The following BDH1 variants were observed in gnomAD, a reference collection of about 807,000 sequenced individuals.
BDH1 encodes 3-hydroxybutyrate dehydrogenase 1, also known as D-beta-hydroxybutyrate dehydrogenase, mitochondrial.
In BDH1, 30 loss-of-function variants were observed where a neutral mutation model predicts 33.1. The observed-to-expected ratio is 0.91, with a 90% CI of 0.68 to 1.23. The LOEUF (loss-of-function observed/expected upper bound fraction) is 1.23. Ranked by LOEUF, BDH1 falls within the 50% of genes most tolerant of loss-of-function variation. The probability of loss-of-function intolerance (pLI) is 0.00; values close to 1 mark genes in which losing one functional copy is unlikely to be tolerated. For missense variants in BDH1, 443 were observed against 464.4 expected (o/e 0.95, Z 0.42); for synonymous variants, 190 against 183.6 (o/e 1.03, Z -0.28).
chr3:197,524,099 T>C (rs1379408974), intron 5 of BDH1, among the ~76,000 whole-genome samples: 1 of 152,254 alleles, frequency 6.6e-6, no homozygotes. Flanking sequence ...TCCTATTCTA[T>C]GAAACATGGT....
intron 2 of BDH1, among the ~76,000 whole-genome samples, chr3:197,552,712 TC>T (rs969395066): frequency 2.6e-5 from 4 of 152,212 alleles, no homozygotes; most frequent in Non-Finnish European, 5.9e-5. Flanking sequence ...ACCCTGACTA[TC>T]CCCCTTCTCT....
chr3:197,564,739 G>C (rs1044357977), intron 1 of BDH1, among the ~76,000 whole-genome samples: 1 of 152,090 alleles, frequency 6.6e-6, no homozygotes, highest in African/African-American at 2.4e-5. Context: ...TGCAAGACCA[G>C]CATATGAGCC....
chr3:197,534,617 T>C (rs1714986770), intron 3 of BDH1, among the ~76,000 whole-genome samples: 1 of 152,216 alleles, frequency 6.6e-6, no homozygotes, highest in African/African-American at 2.4e-5. Flanking sequence ...CTGGGTCATA[T>C]GGTAGTTGCA....
intron 1 of BDH1, among the ~76,000 whole-genome samples, chr3:197,569,245 AG>A (rs1717528841): frequency 8.8e-6 from 1 of 113,344 alleles, no homozygotes; most frequent in African/African-American, 3.8e-5. Context: ...TTTGGAGTAC[AG>A]TTTTTTTTTT....
chr3:197,549,810 T>G (rs1716398525), intron 2 of BDH1, among the ~76,000 whole-genome samples: 1 of 152,196 alleles, frequency 6.6e-6, no homozygotes, highest in South Asian at 2.1e-4. Context: ...TAAAAAGCAG[T>G]GTAACTAGGC....
intron 5 of BDH1, among the ~76,000 whole-genome samples, chr3:197,531,320 C>T (rs990805124): frequency 6.6e-6 from 1 of 151,360 alleles, no homozygotes; most frequent in Admixed American, 6.6e-5. Flanking sequence ...CACTTGAACC[C>T]GGGAGGCAGA....
chr3:197,512,070 G>A lies in BDH1; in HGVS notation c.857C>T (p.Thr286Ile). The change falls in exon 8 of 8, where the codon ACC becomes ATC. Residue 286 changes from threonine (T) to isoleucine (I), a missense_variant. Thr to Ile is a moderately conservative substitution (Grantham distance 89). Coordinates refer to ENST00000392379, the MANE Select transcript of BDH1 (RefSeq NM_203314.3). ...GTCTGTGGAGCCACTGCTGCAGTAG[G>A]TCTCCATCTTGGCGATCTTTTCATC... ...YFDEKIAKME[T>I]YCSSGSTDTS... 6.2e-7 allele frequency: 1 copy of A among 1,614,190 alleles called. No individual in the cohort carries two copies. The highest frequency in any genetic ancestry group is 8.5e-7 in the Non-Finnish European group (1 of 1,180,030).
intron 3 of BDH1, among the ~76,000 whole-genome samples, chr3:197,536,218 T>A (rs1715141120): frequency 6.6e-6 from 1 of 152,190 alleles, no homozygotes; most frequent in Admixed American, 6.5e-5. Context: ...TTGTCAAAAA[T>A]TGGTTGGGCA....
chr3:197,515,986 G>A (rs1712682122), intron 6 of BDH1: 1 of 153,106 alleles, frequency 6.5e-6, no homozygotes, highest in African/African-American at 2.4e-5. Flanking sequence ...CAGCTGTCCT[G>A]ACCACGCAGT....
chr3:197,520,932 G>A lies in BDH1; in HGVS notation c.409+1708C>T, dbSNP rs944633591. On this transcript the variant is annotated intron_variant, in intron 6 of 7. Coordinates refer to ENST00000392379, the MANE Select transcript of BDH1 (RefSeq NM_203314.3). This position sits in a 1 kb window ranked among gnomAD's most constrained non-coding sequence, Gnocchi z 6.0. ...AATGGCCTGTTGGGAGGATGGGAGCGACAGTGGGCTGATGAGGTGGCACAT... is the reference window on the plus strand; with the variant it reads ...AATGGCCTGTTGGGAGGATGGGAGCAACAGTGGGCTGATGAGGTGGCACAT... Among the ~76,000 whole-genome samples, 5 of 152,156 alleles carry A rather than the reference G, an allele frequency of 3.3e-5. No homozygotes were observed. The highest frequency in any genetic ancestry group is 5.9e-5 in the Non-Finnish European group (4 of 68,032).
chr3:197,522,983 G>T lies in BDH1; in HGVS notation c.268-202C>A, dbSNP rs1713718596. The T allele has an allele frequency of 3.5e-6, 2 of 577,326 alleles. No homozygotes were observed. The highest frequency in any genetic ancestry group is 3.3e-5 in the Admixed American group (1 of 30,542). 35.8% of individuals were successfully genotyped at this position (577,326 alleles called of 1,614,324 possible). A position where few individuals can be genotyped will look rare whatever the true frequency, so the allele number is the denominator to read the frequency against. Reference sequence around the variant, plus strand: ...TGACCTATCAAGCATCAAGCTATGTGCCACAGACACAACCATGAATAGGAT... The same window carrying T: ...TGACCTATCAAGCATCAAGCTATGTTCCACAGACACAACCATGAATAGGAT... On this transcript the variant is annotated intron_variant, in intron 5 of 7. Coordinates refer to ENST00000392379, the MANE Select transcript of BDH1 (RefSeq NM_203314.3). This position sits in a 1 kb window ranked among gnomAD's most constrained non-coding sequence, Gnocchi z 4.8.
Position 197,522,882 on chromosome 3 carries a change from A to G in BDH1, c.268-101T>C. 4.1e-6 allele frequency: 6 copies of G among 1,456,924 alleles called. No homozygotes were observed. Among genetic ancestry groups the G allele is most frequent in the Non-Finnish European group, 5.6e-6 (6 of 1,076,546 alleles). The allele number at this position is 1,456,924 out of a possible 1,614,324, so 90.2% of individuals were successfully genotyped here. ...CAGGAGCTGGCCTCAAGTCCCAGCCAAAGCCTCAGGCATACTGGCAACTGC... is the reference window on the plus strand; with the variant it reads ...CAGGAGCTGGCCTCAAGTCCCAGCCGAAGCCTCAGGCATACTGGCAACTGC... On this transcript the variant is annotated intron_variant, in intron 5 of 7. Transcript: ENST00000392379. The surrounding 1 kb of genome is among the most constrained non-coding windows in gnomAD (Gnocchi z 4.8).
At chr3:197,548,531 G>A (rs1231188275) in intron 2 of BDH1, among the ~76,000 whole-genome samples, 1 of 152,168 alleles carries the variant, frequency 6.6e-6, no homozygotes, top group Non-Finnish European at 1.5e-5. Context: ...AAGTACTAAA[G>A]CCAAAATAAT....
At chr3:197,534,905 A>C (rs1715014366) in intron 3 of BDH1, among the ~76,000 whole-genome samples, 2 of 152,206 alleles carry the variant, frequency 1.3e-5, no homozygotes, top group African/African-American at 4.8e-5. Flanking sequence ...AATATCATAG[A>C]CCGGGTGGCT....
At chr3:197,547,517 C>T (rs542171499) in intron 2 of BDH1, among the ~76,000 whole-genome samples, 1 of 152,274 alleles carries the variant, frequency 6.6e-6, no homozygotes, top group Non-Finnish European at 1.5e-5. Flanking sequence ...GGCGTTTAAT[C>T]TGTTTAATCC....
rs1016160819 is a variant in BDH1 at position 197,532,484 on chromosome 3, A to G, written c.195T>C (p.Ser65=). The change falls in exon 5 of 8, where the codon TCT becomes TCC. Residue 65 remains serine (S), a synonymous_variant. Transcript: ENST00000392379. The part of the protein sequence containing the change: ...SKAVLVTGCD[S]GFGFSLAKHL... Reference sequence around the variant, plus strand: ...GCTTGGCCAATGAGAACCCAAATCCAGAGTCACAGCCTGTGACCAGGACAG... The same window carrying G: ...GCTTGGCCAATGAGAACCCAAATCCGGAGTCACAGCCTGTGACCAGGACAG... 1 of 1,614,242 alleles carries G rather than the reference A, an allele frequency of 6.2e-7. No homozygotes were observed. Among genetic ancestry groups the G allele is most frequent in the Non-Finnish European group, 8.5e-7 (1 of 1,180,016 alleles).
At chr3:197,553,513 G>A (rs1382585672) in intron 2 of BDH1, among the ~76,000 whole-genome samples, 1 of 137,758 alleles carries the variant, frequency 7.3e-6, no homozygotes, top group Non-Finnish European at 1.5e-5. Flanking sequence ...TGGCAACAGA[G>A]CAAGACTCTG....
intron 2 of BDH1, among the ~76,000 whole-genome samples, chr3:197,549,383 C>T (rs1716362903): frequency 6.6e-6 from 1 of 152,222 alleles, no homozygotes; most frequent in Non-Finnish European, 1.5e-5. Flanking sequence ...CATCCTTCCT[C>T]ACTGCTGGGC....
Position 197,514,476 on chromosome 3 carries a change from T to A in BDH1, c.410-60A>T, listed in dbSNP as rs563481670. 1 of 1,488,232 alleles carries A rather than the reference T, an allele frequency of 6.7e-7. No individual in the cohort carries two copies. Among genetic ancestry groups the A allele is most frequent in the Non-Finnish European group, 9.0e-7 (1 of 1,111,646 alleles). The allele number at this position is 1,488,232 out of a possible 1,614,324, so 92.2% of individuals were successfully genotyped here. ...ATGGGCTTGGCCCAGACATTGCCCA[T>A]CAGCCTGCAGGCCAGCCTCCTCTCT... On this transcript the variant is annotated intron_variant, in intron 6 of 7. Coordinates refer to ENST00000392379, the MANE Select transcript of BDH1 (RefSeq NM_203314.3). The surrounding 1 kb of genome is among the most constrained non-coding windows in gnomAD (Gnocchi z 4.2).
Sources: allele counts gnomAD v4.1 joint callset (sites outside exome capture counted in the v4.1 genomes callset), GRCh38; gene constraint gnomAD v4.1.1; non-coding constraint Gnocchi (gnomAD v3.1); transcripts MANE v1.5; gene names NCBI Gene and HGNC (gene_info 2026-07-23, HGNC 2026-07-21).